Variants in GPHN observed in about 807,000 individuals in gnomAD.
GPHN encodes gephyrin.
A neutral mutation model predicts 95.5 loss-of-function variants in GPHN; 17 were observed. The ratio of observed to expected loss-of-function variants is 0.18; its 90% confidence interval spans 0.12 to 0.27. The LOEUF (loss-of-function observed/expected upper bound fraction) is 0.27, where lower values mean the gene tolerates loss of function less well. Among genes scored for constraint, GPHN ranks in the 10% least tolerant of loss-of-function variants. The probability of loss-of-function intolerance (pLI) is 1.00; values close to 1 mark genes in which losing one functional copy is unlikely to be tolerated. For missense variants in GPHN, 660 were observed against 978.1 expected (o/e 0.67, Z 4.34); for synonymous variants, 320 against 322.5 (o/e 0.99, Z 0.08).
At chr14:67,726,582 G>A in the GPHN span, among the ~76,000 whole-genome samples, 2 of 152,156 alleles carry the variant, frequency 1.3e-5, no homozygotes, top group Non-Finnish European at 2.9e-5. Context: ...CAGCGTTCAA[G>A]GCAAAGACTT....
intron 2 of GPHN, among the ~76,000 whole-genome samples, chr14:66,714,481 C>T (rs748256567): frequency 1.5e-4 from 23 of 152,230 alleles, no homozygotes; most frequent in Admixed American, 1.3e-4. Context: ...ATTTGGATTC[C>T]GTTTTTTACT....
At chr14:67,586,792 C>A in the GPHN span, 1 of 1,391,478 alleles carries the variant, frequency 7.2e-7, no homozygotes, top group Non-Finnish European at 9.4e-7. Flanking sequence ...CTTAAGAAGG[C>A]CCCTTCCCTG....
the GPHN span, chr14:67,376,600 C>A: frequency 1.9e-6 from 3 of 1,611,160 alleles, no homozygotes; most frequent in African/African-American, 1.3e-5. Context: ...CGTAAGAATA[C>A]CTTCTTGACT....
the GPHN span, chr14:67,616,295 T>TA: frequency 6.4e-6 from 1 of 156,692 alleles, no homozygotes; most frequent in African/African-American, 2.4e-5. Context: ...TTTAATAGCC[T>TA]CCATACTGTA....
chr14:66,557,461 T>C (rs1365390985), intron 1 of GPHN, among the ~76,000 whole-genome samples: 1 of 152,210 alleles, frequency 6.6e-6, no homozygotes. Context: ...GAATGCTTAT[T>C]TGAATTATCT....
rs180967348 is a variant in GPHN at position 66,935,161 on chromosome 14, T to C, written c.828+10869T>C. 9.9e-5 allele frequency among the ~76,000 whole-genome samples: 15 copies of C among 152,230 alleles called. No individual in the cohort carries two copies. The East Asian group carries it at 2.7e-3, about 27-fold the overall frequency. On this transcript the variant is annotated intron_variant, in intron 8 of 22. Coordinates refer to ENST00000478722, the MANE Select transcript of GPHN (RefSeq NM_020806.5). ...TGCTTTGCAGCCTCAAGGCAACTGA[T>C]AGGTTCAAAACTCAAAGTAATAATA...
intron 5 of GPHN, among the ~76,000 whole-genome samples, chr14:66,898,425 T>G (rs1189890627): frequency 6.7e-6 from 1 of 149,848 alleles, no homozygotes; most frequent in Non-Finnish European, 1.5e-5. Flanking sequence ...GGTTGGTTGG[T>G]TTTTGTGTAT....
the GPHN span, among the ~76,000 whole-genome samples, chr14:67,697,289 G>A: frequency 6.6e-6 from 1 of 152,232 alleles, no homozygotes; most frequent in Non-Finnish European, 1.5e-5. Flanking sequence ...AGGAGTTCTA[G>A]ATCAGGAGAG....
At chr14:67,382,145 T>G in the GPHN span, among the ~76,000 whole-genome samples, 2 of 152,048 alleles carry the variant, frequency 1.3e-5, no homozygotes, top group Admixed American at 1.3e-4. Context: ...ATACTGATGA[T>G]AATTGCAGTT....
intron 11 of GPHN, among the ~76,000 whole-genome samples, chr14:67,070,943 A>G (rs2076279040): frequency 6.6e-6 from 1 of 152,038 alleles, no homozygotes. Context: ...ACACCATCTC[A>G]CACCAGTTAG....
intron 3 of GPHN, among the ~76,000 whole-genome samples, chr14:66,794,872 TAGAG>T (rs567362561): frequency 1.3e-3 from 192 of 152,342 alleles, no homozygotes; most frequent in African/African-American, 3.9e-3. Flanking sequence ...ATTTTTCAGT[TAGAG>T]AGGTATACAA....
At chr14:66,830,627 A>G (rs1050233548) in intron 4 of GPHN, among the ~76,000 whole-genome samples, 7 of 152,238 alleles carry the variant, frequency 4.6e-5, no homozygotes, top group African/African-American at 1.7e-4. Context: ...AAGAGTTCTT[A>G]TAACTGTTTC....
chr14:67,199,616 C>T, the GPHN span: 9,279 of 1,585,804 alleles, frequency 5.9e-3, 47 homozygotes, highest in Non-Finnish European at 7.2e-3. Context: ...CAAGGGTGAG[C>T]GCCATGGCTT....
chr14:67,675,226 C>T, the GPHN span, among the ~76,000 whole-genome samples: 1 of 152,136 alleles, frequency 6.6e-6, no homozygotes, highest in Non-Finnish European at 1.5e-5. Flanking sequence ...AAGTGGAACC[C>T]GGCCGGGCGA....
At chr14:67,204,922 C>G in the GPHN span, 1 of 1,613,708 alleles carries the variant, frequency 6.2e-7, no homozygotes, top group Non-Finnish European at 8.5e-7. Flanking sequence ...TGTCACAGAT[C>G]TTCCAGAAAA....
chr14:66,806,960 T>G (rs1240044088), intron 3 of GPHN, among the ~76,000 whole-genome samples: 1 of 152,114 alleles, frequency 6.6e-6, no homozygotes, highest in Non-Finnish European at 1.5e-5. Context: ...TGGTACCAAT[T>G]TACTGAATTA....
At chr14:67,164,506 T>C (rs1020874489) in intron 19 of GPHN, among the ~76,000 whole-genome samples, 1 of 152,074 alleles carries the variant, frequency 6.6e-6, no homozygotes, top group South Asian at 2.1e-4. Flanking sequence ...TGCTTTCTTT[T>C]TTTTTGAGAT....
chr14:67,075,441 C>T (rs997130731), intron 11 of GPHN, among the ~76,000 whole-genome samples: 1 of 152,056 alleles, frequency 6.6e-6, no homozygotes, highest in Non-Finnish European at 1.5e-5. Context: ...TACAACATCC[C>T]CTCTGTAGTC....
At chr14:67,381,558 ATTTT>A in the GPHN span, 2 of 1,563,816 alleles carry the variant, frequency 1.3e-6, no homozygotes, top group Non-Finnish European at 1.8e-6. Context: ...TATTTTTTGC[ATTTT>A]TTATCAACTT....
Sources: allele counts gnomAD v4.1 joint callset (sites outside exome capture counted in the v4.1 genomes callset), GRCh38; gene constraint gnomAD v4.1.1; transcripts MANE v1.5; gene names NCBI Gene and HGNC (gene_info 2026-07-23, HGNC 2026-07-21).